The following CAMK1D variants were observed in gnomAD, a reference collection of about 807,000 sequenced individuals.
CAMK1D encodes the protein calcium/calmodulin dependent protein kinase ID, also known as calcium/calmodulin-dependent protein kinase type 1D.
A neutral mutation model predicts 47.7 loss-of-function variants in CAMK1D; 9 were observed. That is an observed-to-expected ratio of 0.19 (90% CI 0.11 to 0.33). The LOEUF (loss-of-function observed/expected upper bound fraction) is 0.33, where lower values mean the gene tolerates loss of function less well. Among genes scored for constraint, CAMK1D ranks in the 10% least tolerant of loss-of-function variants. CAMK1D has a pLI of 1.00. For missense variants in CAMK1D, 291 were observed against 488.7 expected (o/e 0.60, Z 3.81); for synonymous variants, 184 against 184.9 (o/e 0.99, Z 0.04).
intron 1 of CAMK1D, among the ~76,000 whole-genome samples, chr10:12,532,422 G>A (rs1186223569): frequency 1.3e-5 from 2 of 151,422 alleles, no homozygotes; most frequent in Non-Finnish European, 3.0e-5. Flanking sequence ...TGGGACTACA[G>A]GCGCCCGCCA....
At chr10:12,815,308 C>G (rs1832751430) in intron 7 of CAMK1D, among the ~76,000 whole-genome samples, 2 of 152,226 alleles carry the variant, frequency 1.3e-5, no homozygotes, top group South Asian at 4.1e-4. Flanking sequence ...TATTCCATCT[C>G]TACCACAGAG....
In CAMK1D at chr10:12,828,813, G is replaced by A. The variant is rs896113789; in HGVS notation, c.1084G>A (p.Gly362Arg). ...CTGTAGTTTCATTTCTTCTTCGTCG[G>A]GGGTCTCAGGAGTTGGAGCCGAGCG... Reference protein sequence around the residue: ...TLCSFISSSSGVSGVGAERRP... With the variant: ...TLCSFISSSSRVSGVGAERRP... Residue 362 changes from glycine to arginine, a missense_variant, in exon 11 of 11, where the codon GGG (glycine) becomes AGG (arginine). By Grantham distance (125) the Gly-to-Arg change is moderately radical (BLOSUM62 -2). Coordinates refer to ENST00000619168, the MANE Select transcript of CAMK1D (RefSeq NM_153498.4). 1 of 1,613,778 alleles carries A rather than the reference G, an allele frequency of 6.2e-7. No homozygotes were observed.
chr10:12,670,018 T>C (rs1185993162), intron 3 of CAMK1D, among the ~76,000 whole-genome samples: 1 of 152,114 alleles, frequency 6.6e-6, no homozygotes, highest in Non-Finnish European at 1.5e-5. Context: ...TGTGCATGCA[T>C]GTTTGAGTAA....
intron 1 of CAMK1D, among the ~76,000 whole-genome samples, chr10:12,512,838 A>C (rs933770153): frequency 2.6e-5 from 4 of 152,164 alleles, no homozygotes; most frequent in Non-Finnish European, 5.9e-5. Context: ...GGGTGTTCTG[A>C]GACTGCAACA....
intron 1 of CAMK1D, among the ~76,000 whole-genome samples, chr10:12,472,147 C>T (rs892670824): frequency 2.0e-5 from 3 of 152,112 alleles, no homozygotes; most frequent in Admixed American, 6.6e-5. Flanking sequence ...TCTCCTTTGT[C>T]GAGTTCACAG....
chr10:12,788,035 A>T (rs1157497875), intron 5 of CAMK1D, among the ~76,000 whole-genome samples: 1 of 152,230 alleles, frequency 6.6e-6, no homozygotes, highest in Non-Finnish European at 1.5e-5. Flanking sequence ...CACCAAAAAG[A>T]ACAAGAGATG....
chr10:12,666,587 A>G (rs1840437928), intron 2 of CAMK1D, 149 bp from the exon 3 acceptor site: 3 of 648,984 alleles, frequency 4.6e-6, no homozygotes, highest in Non-Finnish European at 5.4e-6. Context: ...GGTCTGGAAA[A>G]AGTCTGGGGA....
chr10:12,658,341 G>A lies in CAMK1D; in HGVS notation c.225-8395G>A, dbSNP rs533941215. ...CATGGCTGGGGAGGGCGGGGTGTGC[G>A]AGACCTGCCGGGGTTCAGTAAAATG... On this transcript the variant is annotated intron_variant, in intron 2 of 10. Coordinates refer to ENST00000619168, the MANE Select transcript of CAMK1D (RefSeq NM_153498.4). 4.7e-3 allele frequency among the ~76,000 whole-genome samples: 715 copies of A among 151,998 alleles called. 3 individuals are homozygous for A. Among genetic ancestry groups the A allele is most frequent in the African/African-American group, 0.015 (638 of 41,420 alleles).
intron 2 of CAMK1D, among the ~76,000 whole-genome samples, chr10:12,614,375 A>T (rs1211922068): frequency 6.6e-6 from 1 of 152,230 alleles, no homozygotes; most frequent in African/African-American, 2.4e-5. Flanking sequence ...CTGTGGATTG[A>T]CACTATATAC....
At chr10:12,540,717 G>C (rs1836140532) in intron 1 of CAMK1D, among the ~76,000 whole-genome samples, 1 of 152,202 alleles carries the variant, frequency 6.6e-6, no homozygotes, top group Admixed American at 6.5e-5. Flanking sequence ...TCTCATCATG[G>C]TTCTTGAAGC....
chr10:12,830,709 T>G lies in CAMK1D; in HGVS notation c.*1822T>G, dbSNP rs1172869222. ...TGCCATTCCTGCAAGTGCCCCTGCT[T>G]CAGCTCTCAGGCCCATCCAATGCCT... On this transcript the variant is annotated 3_prime_UTR_variant, in exon 11 of 11. Coordinates refer to ENST00000619168, the MANE Select transcript of CAMK1D (RefSeq NM_153498.4). 1 of 152,188 alleles carries G rather than the reference T, an allele frequency of 6.6e-6. No individual in the cohort carries two copies. Among genetic ancestry groups the G allele is most frequent in the African/African-American group, 2.4e-5 (1 of 41,432 alleles). The allele number at this position is 152,188 out of a possible 1,614,324, so 9.4% of individuals were successfully genotyped here.
chr10:12,529,973 T>C (rs561587191), intron 1 of CAMK1D, among the ~76,000 whole-genome samples: 2 of 152,206 alleles, frequency 1.3e-5, no homozygotes. Context: ...GAAACAAATG[T>C]GAATTTTCTC....
chr10:12,569,722 C>CAAAAA (rs56335336), intron 2 of CAMK1D, among the ~76,000 whole-genome samples: 8,325 of 70,670 alleles, frequency 0.12, 1,017 homozygotes, highest in East Asian at 0.15. Flanking sequence ...GACTCCGTCT[C>CAAAAA]AAAAAAAAAA....
At chr10:12,532,734 CTA>C (rs1483649490) in intron 1 of CAMK1D, among the ~76,000 whole-genome samples, 1 of 152,040 alleles carries the variant, frequency 6.6e-6, no homozygotes, top group Non-Finnish European at 1.5e-5. Context: ...AACCTGGTAC[CTA>C]TACACAATGG....
intron 2 of CAMK1D, among the ~76,000 whole-genome samples, chr10:12,564,143 C>CTCTCTCTCTCTG (rs1564414866): frequency 7.6e-6 from 1 of 132,380 alleles, no homozygotes; most frequent in African/African-American, 2.9e-5. Context: ...CTCTCTCTCT[C>CTCTCTCTCTCTG]TCTGTCTCTC....
intron 3 of CAMK1D, among the ~76,000 whole-genome samples, chr10:12,734,537 CAT>C (rs1159309147): frequency 6.1e-5 from 9 of 146,610 alleles, no homozygotes; most frequent in Non-Finnish European, 1.0e-4. Context: ...TATATACACA[CAT>C]ATGTATATAT....
At chr10:12,784,740 C>T (rs1190826861) in intron 5 of CAMK1D, among the ~76,000 whole-genome samples, 3 of 152,268 alleles carry the variant, frequency 2.0e-5, no homozygotes, top group South Asian at 2.1e-4. Flanking sequence ...TTTCTTGTAC[C>T]TACTCACCAA....
intron 1 of CAMK1D, among the ~76,000 whole-genome samples, chr10:12,466,143 C>A (rs1246666172): frequency 6.6e-6 from 1 of 151,936 alleles, no homozygotes; most frequent in African/African-American, 2.4e-5. Context: ...CATAGTGAGA[C>A]ACCGTCTCGA....
intron 1 of CAMK1D, among the ~76,000 whole-genome samples, chr10:12,350,647 A>G (rs948402454): frequency 2.0e-5 from 3 of 152,256 alleles, no homozygotes; most frequent in Non-Finnish European, 4.4e-5. Flanking sequence ...AGTCGATGGC[A>G]GGAACGCTCC....
Sources: gnomAD v4.1 joint callset for allele counts (sites outside exome capture counted in the v4.1 genomes callset) on GRCh38, gnomAD v4.1.1 for gene constraint, MANE v1.5 for transcripts, NCBI Gene and HGNC (gene_info 2026-07-23, HGNC 2026-07-21) for gene names.